The following FBLN1 variants were observed in gnomAD, a reference collection of about 807,000 sequenced individuals.
The protein encoded by FBLN1 is fibulin-1.
Under a neutral mutation model 89.7 loss-of-function variants are expected in FBLN1, and 34 were observed. The observed-to-expected ratio is 0.38, with a 90% CI of 0.29 to 0.50. The LOEUF (loss-of-function observed/expected upper bound fraction) is 0.50. FBLN1 is among the 20% of genes least tolerant of loss of function. FBLN1 has a pLI of 0.92. For synonymous variants in FBLN1, 393 were observed against 391.3 expected (o/e 1.00, Z -0.05); for missense variants, 777 against 988.1 (o/e 0.79, Z 2.86).
chr22:45,571,486 G>T (rs976658845), intron 14 of FBLN1, among the ~76,000 whole-genome samples: 1 of 152,182 alleles, frequency 6.6e-6, no homozygotes, highest in Admixed American at 6.5e-5. Flanking sequence ...TTTAAACTCT[G>T]AGCCGAATAG....
intron 1 of FBLN1, among the ~76,000 whole-genome samples, chr22:45,507,276 G>A (rs1448061696): frequency 1.3e-5 from 2 of 152,198 alleles, no homozygotes; most frequent in Admixed American, 1.3e-4. Flanking sequence ...CAGGTTATTT[G>A]CGGGTTACTA....
In FBLN1 at chr22:45,574,777, CTTTTTTTTTTTTTT is replaced by C. The variant is rs756869112; in HGVS notation, c.1840+133_1840+146del. ...CCCAGGCTTTGAAATGCAGAACTTT[CTTTTTTTTTTTTTT>C]TTTTTTTTGAGACGGAGTCTCGCTC... On this transcript the variant is annotated intron_variant, in intron 15 of 16. Coordinates refer to ENST00000327858, the MANE Select transcript of FBLN1 (RefSeq NM_006486.3). The surrounding 1 kb of genome is among the most constrained non-coding windows in gnomAD (Gnocchi z 4.1). 22 of 452,566 alleles carry C rather than the reference CTTTTTTTTTTTTTT, an allele frequency of 4.9e-5. No homozygotes were observed. In the Admixed American group the frequency reaches 5.5e-4, roughly 11 times the overall value. 28.0% of individuals were successfully genotyped at this position (452,566 alleles called of 1,614,324 possible).
chr22:45,504,458 G>C (rs1306652771), intron 1 of FBLN1, among the ~76,000 whole-genome samples: 1 of 152,118 alleles, frequency 6.6e-6, no homozygotes, highest in African/African-American at 2.4e-5. Flanking sequence ...AGGGGAGCGC[G>C]GGAAGAGGGC....
chr22:45,514,557 C>G (rs117413140), intron 1 of FBLN1, among the ~76,000 whole-genome samples: 1 of 152,232 alleles, frequency 6.6e-6, no homozygotes, highest in Non-Finnish European at 1.5e-5. Context: ...GCTCCAGCCC[C>G]TCGGGATTTT....
chr22:45,546,942 C>A, intron 11 of FBLN1, 143 bp from the exon 12 acceptor site: 2 of 1,337,070 alleles, frequency 1.5e-6, no homozygotes, highest in Non-Finnish European at 2.1e-6. Context: ...CTCCCTCGGC[C>A]ACACCCCCCG....
chr22:45,508,234 G>C (rs2088050107), intron 1 of FBLN1, among the ~76,000 whole-genome samples: 1 of 151,436 alleles, frequency 6.6e-6, no homozygotes, highest in African/African-American at 2.4e-5. Flanking sequence ...AGCTTGGGCA[G>C]CTTGGCCCTG....
chr22:45,514,012 C>T (rs992403159), intron 1 of FBLN1, among the ~76,000 whole-genome samples: 4 of 151,972 alleles, frequency 2.6e-5, no homozygotes, highest in Admixed American at 6.6e-5. Context: ...AGGCTGGTCT[C>T]GAACTCCTGA....
In FBLN1 at chr22:45,562,974, C is replaced by T. The variant is rs1031199694; in HGVS notation, c.1698-11537C>T. On this transcript the variant is annotated intron_variant, in intron 14 of 16. Transcript: ENST00000327858. This position sits in a 1 kb window ranked among gnomAD's most constrained non-coding sequence, Gnocchi z 7.8. ...TGCTCCAAGCTGCCTCTGAGAATAA[C>T]CTACTACCACCTCTCTTTCCCCACC... 1.7e-5 allele frequency: 27 copies of T among 1,613,992 alleles called. No individual in the cohort carries two copies. Among genetic ancestry groups the T allele is most frequent in the Non-Finnish European group, 2.3e-5 (27 of 1,180,012 alleles).
At chr22:45,598,836 C>T (rs1445400985) in intron 16 of FBLN1, among the ~76,000 whole-genome samples, 7 of 152,258 alleles carry the variant, frequency 4.6e-5, no homozygotes, top group Admixed American at 3.3e-4. Context: ...GCATCTGAAT[C>T]GTGCAGTGCA....
At chr22:45,592,009 G>A (rs868397204) in intron 16 of FBLN1, among the ~76,000 whole-genome samples, 2 of 151,340 alleles carry the variant, frequency 1.3e-5, no homozygotes, top group African/African-American at 2.4e-5. Flanking sequence ...AGTGTCCTGC[G>A]CGCCATTTTG....
rs138044289 is a variant in FBLN1 at position 45,522,209 on chromosome 22, A to T, written c.186-3334A>T. 9.2e-5 allele frequency among the ~76,000 whole-genome samples: 14 copies of T among 151,960 alleles called. No homozygotes were observed. The East Asian group carries it at 2.5e-3, about 27-fold the overall frequency. ...ACCATGTTGGCCAGGCTGGTCTCGA[A>T]CTCCTGGCTTCAAGTGATTGGACGC... On this transcript the variant is annotated intron_variant, in intron 2 of 16. Coordinates refer to ENST00000327858, the MANE Select transcript of FBLN1 (RefSeq NM_006486.3).
At chr22:45,513,064 C>CATTTCAGAACA (rs1569233523) in intron 1 of FBLN1, among the ~76,000 whole-genome samples, 2 of 152,210 alleles carry the variant, frequency 1.3e-5, no homozygotes, top group African/African-American at 4.8e-5. Context: ...CACTGTCAAA[C>CATTTCAGAACA]TGCTGTACAG....
intron 14 of FBLN1, among the ~76,000 whole-genome samples, chr22:45,554,556 C>T (rs1299570148): frequency 6.6e-6 from 1 of 152,232 alleles, no homozygotes; most frequent in East Asian, 1.9e-4. Context: ...CCTGACAAAC[C>T]TGGAAAGAGG....
In FBLN1 at chr22:45,557,886, G is replaced by A. The variant is rs1413726541; in HGVS notation, c.1697+7271G>A. On this transcript the variant is annotated intron_variant, in intron 14 of 16. Transcript: ENST00000327858. This position sits in a 1 kb window ranked among gnomAD's most constrained non-coding sequence, Gnocchi z 4.9. ...CACATCTGGTCATTTCTCCTTCCAT[G>A]CAAAGTGCACAACCAGGTGCATTGC... 1.3e-5 allele frequency among the ~76,000 whole-genome samples: 2 copies of A among 152,156 alleles called. No homozygotes were observed. Among genetic ancestry groups the A allele is most frequent in the Non-Finnish European group, 2.9e-5 (2 of 68,036 alleles).
Position 45,572,837 on chromosome 22 carries a change from G to A in FBLN1, c.1698-1674G>A, listed in dbSNP as rs2088962289. ...AGAAATCCAGTGGACAGAGGACCATGCTGAACTGCACCGTGAGGATGCAAT... is the reference window on the plus strand; with the variant it reads ...AGAAATCCAGTGGACAGAGGACCATACTGAACTGCACCGTGAGGATGCAAT... On this transcript the variant is annotated intron_variant, in intron 14 of 16. Transcript: ENST00000327858. This position sits in a 1 kb window ranked among gnomAD's most constrained non-coding sequence, Gnocchi z 5.8. Among the ~76,000 whole-genome samples the A allele has an allele frequency of 6.6e-6, 1 of 152,260 alleles. No individual in the cohort carries two copies. The highest frequency in any genetic ancestry group is 1.5e-5 in the Non-Finnish European group (1 of 68,052).
rs4823224 is a variant in FBLN1, at chr22:45,562,805, G to A, written c.1698-11706G>A. ...TGTTGGCTGAATCGGCCAGAGGGGCGGCGGGAGGCCCCGCCTGCCAGCCCC... is the reference window on the plus strand; with the variant it reads ...TGTTGGCTGAATCGGCCAGAGGGGCAGCGGGAGGCCCCGCCTGCCAGCCCC... On this transcript the variant is annotated intron_variant, in intron 14 of 16. Transcript: ENST00000327858. The surrounding 1 kb of genome is among the most constrained non-coding windows in gnomAD (Gnocchi z 7.8). The A allele has an allele frequency of 0.01, 11,027 of 1,091,292 alleles. 660 individuals are homozygous for A. In the African/African-American group the frequency reaches 0.14, roughly 14 times the overall value. 67.6% of individuals were successfully genotyped at this position (1,091,292 alleles called of 1,614,324 possible).
chr22:45,574,042 G>A lies in FBLN1; in HGVS notation c.1698-469G>A, dbSNP rs1001016172. ...TGCCCTGTGCTGGGCACCGAGCTTGGCGCTTTCTATCTGCTCCTTCGTTTA... is the reference window on the plus strand; with the variant it reads ...TGCCCTGTGCTGGGCACCGAGCTTGACGCTTTCTATCTGCTCCTTCGTTTA... On this transcript the variant is annotated intron_variant, in intron 14 of 16. Transcript: ENST00000327858. This position sits in a 1 kb window ranked among gnomAD's most constrained non-coding sequence, Gnocchi z 4.1. Among the ~76,000 whole-genome samples the A allele has an allele frequency of 6.6e-6, 1 of 152,138 alleles. No individual in the cohort carries two copies. The highest frequency in any genetic ancestry group is 1.5e-5 in the Non-Finnish European group (1 of 68,034).
At chr22:45,598,485 C>A (rs1002402262) in intron 16 of FBLN1, among the ~76,000 whole-genome samples, 1 of 152,200 alleles carries the variant, frequency 6.6e-6, no homozygotes, top group African/African-American at 2.4e-5. Context: ...CCTGTTTGGC[C>A]GCAGACACTG....
intron 11 of FBLN1, among the ~76,000 whole-genome samples, chr22:45,544,907 G>A (rs2088606880): frequency 6.6e-6 from 1 of 152,220 alleles, no homozygotes; most frequent in African/African-American, 2.4e-5. Flanking sequence ...ATACGGATTA[G>A]GTTCTGAGCT....
Sources: allele counts gnomAD v4.1 joint callset (sites outside exome capture counted in the v4.1 genomes callset), GRCh38; gene constraint gnomAD v4.1.1; non-coding constraint Gnocchi (gnomAD v3.1); transcripts MANE v1.5; gene names NCBI Gene and HGNC (gene_info 2026-07-23, HGNC 2026-07-21).